The following ITPK1 variants were observed in gnomAD, a reference collection of about 807,000 sequenced individuals.
ITPK1 encodes the protein inositol-tetrakisphosphate 1-kinase.
In ITPK1, 21 loss-of-function variants were observed where a neutral mutation model predicts 45.3. That is an observed-to-expected ratio of 0.46 (90% confidence interval 0.33 to 0.67). The LOEUF (loss-of-function observed/expected upper bound fraction) is 0.67. Ranked by LOEUF, ITPK1 falls within the 30% of genes least tolerant of loss-of-function variation. ITPK1 has a pLI of 0.02. For missense variants in ITPK1, 474 were observed against 573.5 expected, an observed-to-expected ratio of 0.83 and a Z score of 1.77; for synonymous variants, 258 against 253.6, an observed-to-expected ratio of 1.02 and a Z score of -0.16.
chr14:92,961,737 C>T (rs1307871726), intron 7 of ITPK1, among the ~76,000 whole-genome samples: 8 of 152,194 alleles, frequency 5.3e-5, no homozygotes, highest in Admixed American at 2.6e-4. Flanking sequence ...GAACGTGTGC[C>T]CCAGAATTCC....
At chr14:93,105,249 T>C (rs1892474758) in intron 2 of ITPK1, among the ~76,000 whole-genome samples, 1 of 152,166 alleles carries the variant, frequency 6.6e-6, no homozygotes, top group African/African-American at 2.4e-5. Flanking sequence ...TGGGAACCTC[T>C]GGCTCCAGCA....
rs116595261 is a variant in ITPK1 at position 92,950,340 on chromosome 14, C to T, written c.738+1606G>A. 7.4e-3 allele frequency among the ~76,000 whole-genome samples: 1,132 copies of T among 152,346 alleles called. 13 individuals carry two copies. The highest frequency in any genetic ancestry group is 0.026 in the African/African-American group (1,067 of 41,576). On this transcript the variant is annotated intron_variant, in intron 9 of 10. Transcript: ENST00000267615. ...GGTGGATGAGCAGCAAGCGTGTTTC[C>T]GCACCTGGGAACAGAGCTGGCTCTG...
chr14:93,051,580 C>A lies in ITPK1; in HGVS notation c.120+25015G>T, dbSNP rs116015366. Among the ~76,000 whole-genome samples the A allele has an allele frequency of 7.3e-3, 1,108 of 151,280 alleles. 15 individuals are homozygous for A. The highest frequency in any genetic ancestry group is 0.026 in the African/African-American group (1,055 of 41,208). ...GCAGTGAGTCCAGATCATGCCACTG[C>A]ACTCCAGCCTGGGTGATGGATGAAA... On this transcript the variant is annotated intron_variant, in intron 3 of 10. Coordinates refer to ENST00000267615, the MANE Select transcript of ITPK1 (RefSeq NM_014216.6).
At chr14:92,959,400 C>T (rs1008384703) in intron 7 of ITPK1, among the ~76,000 whole-genome samples, 2 of 152,230 alleles carry the variant, frequency 1.3e-5, no homozygotes, top group Non-Finnish European at 2.9e-5. Context: ...CACGGAGCGC[C>T]GGCCCTACGT....
intron 3 of ITPK1, among the ~76,000 whole-genome samples, chr14:93,057,637 A>T (rs1214545983): frequency 6.6e-6 from 1 of 152,200 alleles, no homozygotes; most frequent in African/African-American, 2.4e-5. Context: ...GACCCATGAG[A>T]TCCTATCAGC....
chr14:93,037,247 G>C (rs949802368), intron 3 of ITPK1, among the ~76,000 whole-genome samples: 1 of 152,284 alleles, frequency 6.6e-6, no homozygotes, highest in African/African-American at 2.4e-5. Flanking sequence ...AGTGTTGATA[G>C]GAAAAGAGGA....
At chr14:93,109,196 T>TA (rs1009366583) in intron 2 of ITPK1, among the ~76,000 whole-genome samples, 5 of 151,208 alleles carry the variant, frequency 3.3e-5, no homozygotes, top group East Asian at 1.9e-4. Flanking sequence ...CACAGCTGTT[T>TA]AAAAAAAAAG....
intron 2 of ITPK1, among the ~76,000 whole-genome samples, chr14:93,079,571 G>A (rs1891358648): frequency 6.6e-6 from 1 of 152,216 alleles, no homozygotes; most frequent in African/African-American, 2.4e-5. Flanking sequence ...TCAGTGCAAT[G>A]GAAGGACCAG....
rs574173845 is a variant in ITPK1, at chr14:92,968,322, T to A, written c.365-5473A>T. On this transcript the variant is annotated intron_variant, in intron 5 of 10. Coordinates refer to ENST00000267615, the MANE Select transcript of ITPK1 (RefSeq NM_014216.6). ...CTCCAGCCTGGTAACAGAGCGAGACTCTGTCTCAAAAAAAAAATAGAAAGG... is the reference window on the plus strand; with the variant it reads ...CTCCAGCCTGGTAACAGAGCGAGACACTGTCTCAAAAAAAAAATAGAAAGG... 3.3e-5 allele frequency among the ~76,000 whole-genome samples: 5 copies of A among 151,866 alleles called. No homozygotes were observed. The East Asian group carries it at 7.8e-4, about 24-fold the overall frequency.
chr14:92,964,740 TC>T (rs1885258726), intron 5 of ITPK1, among the ~76,000 whole-genome samples: 1 of 152,142 alleles, frequency 6.6e-6, no homozygotes, highest in South Asian at 2.1e-4. Flanking sequence ...GCTTCCAGAC[TC>T]CCTGTGGCCC....
chr14:93,108,625 C>G (rs1289288239), intron 2 of ITPK1, among the ~76,000 whole-genome samples: 1 of 152,222 alleles, frequency 6.6e-6, no homozygotes, highest in South Asian at 2.1e-4. Context: ...AGATTTGTCC[C>G]GGCCCTGAGC....
chr14:92,963,848 C>A (rs953657893), intron 5 of ITPK1, among the ~76,000 whole-genome samples: 17 of 152,124 alleles, frequency 1.1e-4, no homozygotes, highest in Non-Finnish European at 2.5e-4. Context: ...CTGATAAGAC[C>A]ACAAAGGTGG....
chr14:92,997,767 C>G (rs573660835), intron 4 of ITPK1, among the ~76,000 whole-genome samples: 1 of 152,318 alleles, frequency 6.6e-6, no homozygotes, highest in Non-Finnish European at 1.5e-5. Flanking sequence ...ACAAGGGCAG[C>G]CTGGCTCTAG....
At chr14:93,038,957 C>A (rs1354689709) in intron 3 of ITPK1, among the ~76,000 whole-genome samples, 1 of 152,236 alleles carries the variant, frequency 6.6e-6, no homozygotes, top group Admixed American at 6.5e-5. Context: ...TACTCTAATA[C>A]CGTTCCTAAA....
chr14:92,965,990 C>G (rs182591022), intron 5 of ITPK1, among the ~76,000 whole-genome samples: 7 of 152,154 alleles, frequency 4.6e-5, no homozygotes, highest in African/African-American at 1.4e-4. Context: ...GCAACAAGAG[C>G]GAAACTCCAT....
At chr14:93,010,228 T>C (rs1305455074) in intron 4 of ITPK1, among the ~76,000 whole-genome samples, 1 of 152,200 alleles carries the variant, frequency 6.6e-6, no homozygotes, top group African/African-American at 2.4e-5. Context: ...TATCCTCTGA[T>C]AGGTTTAGAT....
At chr14:92,991,958 G>A (rs867586690) in intron 5 of ITPK1, among the ~76,000 whole-genome samples, 6 of 152,126 alleles carry the variant, frequency 3.9e-5, no homozygotes, top group African/African-American at 1.4e-4. Context: ...CCCTGACCCC[G>A]TGGCTGAACC....
chr14:93,055,256 G>A (rs1195499475), intron 3 of ITPK1, among the ~76,000 whole-genome samples: 2 of 152,192 alleles, frequency 1.3e-5, no homozygotes, highest in South Asian at 2.1e-4. Flanking sequence ...CAGGAATGCT[G>A]CTGCTGGGAA....
At chr14:92,986,362 A>G (rs2139793262) in intron 5 of ITPK1, among the ~76,000 whole-genome samples, 1 of 152,340 alleles carries the variant, frequency 6.6e-6, no homozygotes, top group Non-Finnish European at 1.5e-5. Context: ...TAGGGGGAAG[A>G]AAGCCTGGGA....
Sources: gnomAD v4.1 joint callset for allele counts (sites outside exome capture counted in the v4.1 genomes callset) on GRCh38, gnomAD v4.1.1 for gene constraint, MANE v1.5 for transcripts, NCBI Gene and HGNC (gene_info 2026-07-23, HGNC 2026-07-21) for gene names.